Variants in SIRPB1 observed in about 807,000 individuals in gnomAD.
SIRPB1 encodes signal-regulatory protein beta-1.
SIRPB1 carries 28 observed loss-of-function variants against 34.1 expected under a neutral mutation model. That is an observed-to-expected ratio of 0.82 (90% CI 0.61 to 1.12). SIRPB1 has a LOEUF of 1.12. SIRPB1 is among the 50% of genes most tolerant of loss of function. The pLI, the probability that SIRPB1 is intolerant of heterozygous loss-of-function variation, is 0.00. For synonymous variants in SIRPB1, 211 were observed against 203.8 expected (o/e 1.04, Z -0.30); for missense variants, 499 against 507.0 (o/e 0.98, Z 0.15).
chr20:1,566,858 A>C (rs2091144581), intron 4 of SIRPB1, among the ~76,000 whole-genome samples: 1 of 152,092 alleles, frequency 6.6e-6, no homozygotes, highest in South Asian at 2.1e-4. Flanking sequence ...GGAGCCCTCC[A>C]GGGACAAGAC....
chr20:1,578,301 C>A lies in SIRPB1; in HGVS notation c.433+37G>T. 1.9e-6 allele frequency: 3 copies of A among 1,552,992 alleles called. 1 individual carries two copies. The highest frequency in any genetic ancestry group is 2.7e-6 in the Non-Finnish European group (3 of 1,129,128). On this transcript the variant is annotated intron_variant, in intron 2 of 5. Transcript: ENST00000381605. ...TAATGTAATTATTGAGTTATTGTCA[C>A]ACACCAGGGGACAAAGGAGGCCCAC...
rs1213783473 is a variant in SIRPB1 at position 1,563,512 on chromosome 20, T to TA, written c.*1987dup. On this transcript the variant is annotated 3_prime_UTR_variant, in exon 6 of 6. Coordinates refer to ENST00000381605, the MANE Select transcript of SIRPB1 (RefSeq NM_006065.5). ...CCATCTCAAAAAAATAAAAATAAAA[T>TA]AAACAAATGAAAAGAAACAATGCTT... is the stretch of plus-strand genomic sequence containing the variant. The TA allele has an allele frequency of 2.6e-5, 4 of 151,704 alleles. No homozygotes were observed. The highest frequency in any genetic ancestry group is 9.7e-5 in the African/African-American group (4 of 41,234). 9.4% of individuals were successfully genotyped at this position (151,704 alleles called of 1,614,324 possible).
At position 1,585,271 on chromosome 20, in the gene SIRPB1, C is replaced by T. The variant is rs143890218; in HGVS notation, c.77-6577G>A. Among the ~76,000 whole-genome samples, 471 of 48,940 alleles carry T rather than the reference C, an allele frequency of 9.6e-3. 188 individuals are homozygous for T. The highest frequency in any genetic ancestry group is 0.045 in the Admixed American group (326 of 7,288). The allele number at this position is 48,940 out of a possible 152,430, so 32.1% of individuals were successfully genotyped here. Reference sequence around the variant, plus strand: ...ACTACAACAAACTAAAAAGTTTCTACACAGCCAAGGAAACAATCAACAGAG... The same window carrying T: ...ACTACAACAAACTAAAAAGTTTCTATACAGCCAAGGAAACAATCAACAGAG... On this transcript the variant is annotated intron_variant, in intron 1 of 5. Transcript: ENST00000381605.
intron 4 of SIRPB1, among the ~76,000 whole-genome samples, chr20:1,566,696 G>A (rs1013374710): frequency 2.0e-5 from 3 of 152,144 alleles, no homozygotes; most frequent in Non-Finnish European, 2.9e-5. Flanking sequence ...GGTGACTCCT[G>A]AGTCCAAGAC....
chr20:1,592,761 C>T lies in SIRPB1; in HGVS notation c.77-14067G>A, dbSNP rs1208422583. Among the ~76,000 whole-genome samples, 2 of 49,076 alleles carry T rather than the reference C, an allele frequency of 4.1e-5. 1 individual carries two copies. The highest frequency in any genetic ancestry group is 7.8e-5 in the Non-Finnish European group (2 of 25,486). The allele number at this position is 49,076 out of a possible 152,430, so 32.2% of individuals were successfully genotyped here. On this transcript the variant is annotated intron_variant, in intron 1 of 5. Transcript: ENST00000381605. ...TCATATTAAGTTTTTATTTTCTCTC[C>T]AGCACTTGGGGCTAGAAAGTGTGTT...
intron 1 of SIRPB1, among the ~76,000 whole-genome samples, chr20:1,618,629 G>A (rs905247049): frequency 1.3e-5 from 2 of 152,216 alleles, no homozygotes; most frequent in African/African-American, 4.8e-5. Context: ...CTGCCCTCTA[G>A]GGCCTGTGAG....
In SIRPB1 at chr20:1,561,435, T is replaced by C. The variant is rs965112601; in HGVS notation, c.*4065A>G. Among the ~76,000 whole-genome samples the C allele has an allele frequency of 3.9e-5, 6 of 152,146 alleles. No individual in the cohort carries two copies. Among genetic ancestry groups the C allele is most frequent in the African/African-American group, 1.4e-4 (6 of 41,440 alleles). On this transcript the variant is annotated 3_prime_UTR_variant, in exon 6 of 6. Transcript: ENST00000381605. ...TTAGATCTTTTCTTTTTACCTAATGTCGTTTTTCTCTTCCAGCATCCCATC... is the reference window on the plus strand; with the variant it reads ...TTAGATCTTTTCTTTTTACCTAATGCCGTTTTTCTCTTCCAGCATCCCATC...
chr20:1,577,745 C>T lies in SIRPB1; in HGVS notation c.433+593G>A, dbSNP rs781328052. On this transcript the variant is annotated intron_variant, in intron 2 of 5. Transcript: ENST00000381605. Reference sequence around the variant, plus strand: ...GAATGTGCCTCCGAGAAATCTTCCCCGTGGGGTGTTTCTGAAGATTAAATT... The same window carrying T: ...GAATGTGCCTCCGAGAAATCTTCCCTGTGGGGTGTTTCTGAAGATTAAATT... 1.4e-4 allele frequency among the ~76,000 whole-genome samples: 20 copies of T among 146,388 alleles called. 1 individual carries two copies. The highest frequency in any genetic ancestry group is 5.8e-4 in the East Asian group (3 of 5,144).
intron 1 of SIRPB1, among the ~76,000 whole-genome samples, chr20:1,614,467 C>T (rs2091601652): frequency 6.6e-6 from 1 of 152,098 alleles, no homozygotes; most frequent in South Asian, 2.1e-4. Flanking sequence ...GACCTAGTGA[C>T]ATTGAAACAC....
At chr20:1,613,878 A>G (rs2091593127) in intron 1 of SIRPB1, among the ~76,000 whole-genome samples, 1 of 152,228 alleles carries the variant, frequency 6.6e-6, no homozygotes, top group Non-Finnish European at 1.5e-5. Flanking sequence ...GAATCTACCT[A>G]TTAAGACACA....
Position 1,576,719 on chromosome 20 carries a change from C to A in SIRPB1, c.433+1619G>T, listed in dbSNP as rs534601711. Among the ~76,000 whole-genome samples the A allele has an allele frequency of 1.5e-4, 22 of 148,536 alleles. 2 individuals are homozygous for A. In the East Asian group the frequency reaches 3.3e-3, roughly 22 times the overall value. On this transcript the variant is annotated intron_variant, in intron 2 of 5. Transcript: ENST00000381605. ...TTTGGGAGTTCGAGACCAGCCTGAA[C>A]AACATGGAGAAACCCTGTCTCTACA... is the stretch of plus-strand genomic sequence containing the variant.
chr20:1,616,374 T>C (rs1008177590), intron 1 of SIRPB1, among the ~76,000 whole-genome samples: 1 of 152,136 alleles, frequency 6.6e-6, no homozygotes, highest in Non-Finnish European at 1.5e-5. Context: ...CATAGACAAA[T>C]GGATCAGACC....
chr20:1,580,431 G>T (rs895723789), intron 1 of SIRPB1, among the ~76,000 whole-genome samples: 6 of 136,740 alleles, frequency 4.4e-5, no homozygotes, highest in African/African-American at 1.6e-4. Context: ...AGGAAATAAC[G>T]GACCAAGAAC....
chr20:1,570,835 G>T lies in SIRPB1; in HGVS notation c.1054C>A (p.Gln352Lys). ...KSYALEISAH[Q>K]KEHGSDITHE... is the part of the protein sequence containing the mutation. ...GTGATATCTGAGCCGTGCTCCTTCT[G>T]GTGCGCTGAGATCTCCAGGGCATAG... The change falls in exon 4 of 6, where the codon CAG becomes AAG. Residue 352 changes from glutamine to lysine, a missense_variant. Transcript: ENST00000381605. 2 of 1,614,102 alleles carry T rather than the reference G, an allele frequency of 1.2e-6. No homozygotes were observed. The highest frequency in any genetic ancestry group is 2.7e-5 in the African/African-American group (2 of 75,048).
At chr20:1,567,970 C>T (rs1283807873) in intron 4 of SIRPB1, among the ~76,000 whole-genome samples, 1 of 152,186 alleles carries the variant, frequency 6.6e-6, no homozygotes, top group Admixed American at 6.5e-5. Flanking sequence ...GTAGCAGAAT[C>T]ACAGCGGAGC....
rs562159055 is a variant in SIRPB1, at chr20:1,612,234, A to G, written c.76+7635T>C. On this transcript the variant is annotated intron_variant, in intron 1 of 5. Transcript: ENST00000381605. ...GGTGTCTACCTCTTGGGCTCAAGCA[A>G]TGCATCTGCCTTGGCCTTCCAAACT... 3.3e-4 allele frequency among the ~76,000 whole-genome samples: 24 copies of G among 71,832 alleles called. 11 individuals are homozygous for G. Among genetic ancestry groups the G allele is most frequent in the African/African-American group, 2.0e-3 (23 of 11,234 alleles). 47.1% of individuals were successfully genotyped at this position (71,832 alleles called of 152,430 possible).
chr20:1,619,063 G>C (rs979121341), intron 1 of SIRPB1, among the ~76,000 whole-genome samples: 12 of 152,170 alleles, frequency 7.9e-5, no homozygotes, highest in African/African-American at 2.7e-4. Flanking sequence ...GACACACACA[G>C]AGGAAGATCA....
At chr20:1,576,537 G>T (rs1396630448) in intron 2 of SIRPB1, among the ~76,000 whole-genome samples, 2 of 147,746 alleles carry the variant, frequency 1.4e-5, no homozygotes, top group Non-Finnish European at 1.5e-5. Flanking sequence ...TCCTTCCTCT[G>T]TCTTGTAAGG....
rs760109915 is a variant in SIRPB1 at position 1,578,715 on chromosome 20, G to C, written c.77-21C>G. ...CACTCCTGGAAAGGAGCACAAAGCA[G>C]TCATTTCTTCATCCTTACCTGATTC... On this transcript the variant is annotated intron_variant, in intron 1 of 5. Coordinates refer to ENST00000381605, the MANE Select transcript of SIRPB1 (RefSeq NM_006065.5). The C allele has an allele frequency of 2.0e-6, 3 of 1,523,046 alleles. No homozygotes were observed. In the African/African-American group the frequency reaches 4.1e-5, roughly 21 times the overall value. 94.3% of individuals were successfully genotyped at this position (1,523,046 alleles called of 1,614,324 possible).
Sources: gnomAD v4.1 joint callset for allele counts (sites outside exome capture counted in the v4.1 genomes callset) on GRCh38, gnomAD v4.1.1 for gene constraint, MANE v1.5 for transcripts, NCBI Gene and HGNC (gene_info 2026-07-23, HGNC 2026-07-21) for gene names.